Variants in ETNK1 observed in about 807,000 individuals in gnomAD.
ETNK1 encodes ethanolamine kinase 1.
Under a neutral mutation model 45.1 loss-of-function variants are expected in ETNK1, and 8 were observed. That is an observed-to-expected ratio of 0.18 (90% CI 0.10 to 0.32). The LOEUF is 0.32. Ranked by LOEUF, ETNK1 falls within the 10% of genes least tolerant of loss-of-function variation. The pLI is 1.00. For missense variants in ETNK1, 302 were observed against 430.6 expected (o/e 0.70, Z 2.64); for synonymous variants, 152 against 151.9 (o/e 1.00, Z -0.01).
At chr12:22,646,576 A>G (rs541399364) in intron 2 of ETNK1, among the ~76,000 whole-genome samples, 1 of 151,994 alleles carries the variant, frequency 6.6e-6, no homozygotes, top group South Asian at 2.1e-4. Context: ...ATGTTTGAAT[A>G]TAATAATAAA....
At chr12:22,671,098 A>G (rs1472801306) in intron 4 of ETNK1, 174 bp from the exon 5 acceptor site, 1 of 556,220 alleles carries the variant, frequency 1.8e-6, no homozygotes, top group East Asian at 3.3e-5. Context: ...TGAATTTTGT[A>G]AAGCTCATTG....
Position 22,686,528 on chromosome 12 carries a change from A to G in ETNK1, c.*1574A>G, listed in dbSNP as rs754515271. 1.3e-5 allele frequency: 2 copies of G among 152,412 alleles called. No individual in the cohort carries two copies. The highest frequency in any genetic ancestry group is 2.4e-5 in the African/African-American group (1 of 41,436). The allele number at this position is 152,412 out of a possible 1,614,324, so 9.4% of individuals were successfully genotyped here. On this transcript the variant is annotated 3_prime_UTR_variant, in exon 8 of 8. Coordinates refer to ENST00000266517, the MANE Select transcript of ETNK1 (RefSeq NM_018638.5). ...GGATTATCTCAAGATTTTTGAAGCT[A>G]ATAAAGTAAATAGAAACACAGGCCA...
At chr12:22,663,922 C>T (rs562984838) in intron 4 of ETNK1, among the ~76,000 whole-genome samples, 199 of 151,226 alleles carry the variant, frequency 1.3e-3, no homozygotes, top group South Asian at 3.1e-3. Flanking sequence ...CCATAGTATC[C>T]GTTTAAAAGA....
intron 2 of ETNK1, among the ~76,000 whole-genome samples, chr12:22,657,507 C>T (rs1490418826): frequency 6.6e-6 from 1 of 151,490 alleles, no homozygotes; most frequent in Non-Finnish European, 1.5e-5. Flanking sequence ...TATTCTTTTA[C>T]CTTTTTTTTT....
intron 6 of ETNK1, 101 bp downstream of exon 6, chr12:22,673,761 A>G (rs1326086374): frequency 3.4e-6 from 4 of 1,190,886 alleles, no homozygotes; most frequent in Non-Finnish European, 2.4e-6. Context: ...AAGTTTTGTG[A>G]ATTTTTGTTC....
chr12:22,680,521 G>A (rs1029849114), intron 6 of ETNK1, among the ~76,000 whole-genome samples: 1 of 152,142 alleles, frequency 6.6e-6, no homozygotes, highest in Non-Finnish European at 1.5e-5. Flanking sequence ...CATACTCCAT[G>A]ATGTTGCATG....
At position 22,643,971 on chromosome 12, in the gene ETNK1, T is replaced by A; in HGVS notation, c.365T>A (p.Ile122Lys). 6.2e-7 allele frequency: 1 copy of A among 1,612,736 alleles called. No homozygotes were observed. The highest frequency in any genetic ancestry group is 8.5e-7 in the Non-Finnish European group (1 of 1,178,956). Residue 122 changes from isoleucine (I) to lysine (K), a missense_variant, in exon 2 of 8, where the codon ATA (isoleucine) becomes AAA (lysine). Coordinates refer to ENST00000266517, the MANE Select transcript of ETNK1 (RefSeq NM_018638.5). Reference sequence around the variant, plus strand: ...AATAATGGACTATGCTATGAATTTATACAAGGAGAAGCACTGGATCCAAAG... The same window carrying A: ...AATAATGGACTATGCTATGAATTTAAACAAGGAGAAGCACTGGATCCAAAG... Reference protein sequence around the residue: ...TFNNGLCYEFIQGEALDPKHV... With the variant: ...TFNNGLCYEFKQGEALDPKHV...
intron 6 of ETNK1, among the ~76,000 whole-genome samples, chr12:22,674,399 G>GT (rs963668201): frequency 2.6e-5 from 4 of 152,182 alleles, no homozygotes; most frequent in African/African-American, 9.6e-5. Context: ...ATAGACCCTA[G>GT]TGGTATATGG....
At chr12:22,649,418 T>A (rs1452289790) in intron 2 of ETNK1, among the ~76,000 whole-genome samples, 1 of 152,104 alleles carries the variant, frequency 6.6e-6, no homozygotes, top group East Asian at 1.9e-4. Context: ...ATGTCTAGAT[T>A]CATGTTTTTG....
In ETNK1 at chr12:22,685,150, T is replaced by G; in HGVS notation, c.*196T>G. On this transcript the variant is annotated 3_prime_UTR_variant, in exon 8 of 8. Coordinates refer to ENST00000266517, the MANE Select transcript of ETNK1 (RefSeq NM_018638.5). ...CAAGAAATATACCTACTGCTATCCG[T>G]ATGTGGTGGATTAGAAATGTGTTAA... 2.2e-6 allele frequency: 1 copy of G among 455,456 alleles called. No individual in the cohort carries two copies. The highest frequency in any genetic ancestry group is 3.9e-6 in the Non-Finnish European group (1 of 256,422). The allele number at this position is 455,456 out of a possible 1,614,324, so 28.2% of individuals were successfully genotyped here.
chr12:22,625,375 T>C lies in ETNK1; in HGVS notation c.-56T>C. 6.4e-7 allele frequency: 1 copy of C among 1,569,004 alleles called. No individual in the cohort carries two copies. Among genetic ancestry groups the C allele is most frequent in the South Asian group, 1.1e-5 (1 of 86,968 alleles). ...TCCACCAGTCTGTCGGCGCCCGCCGTTCTCGTGGTCGCCGTCGCCGTCGTC... is the reference window on the plus strand; with the variant it reads ...TCCACCAGTCTGTCGGCGCCCGCCGCTCTCGTGGTCGCCGTCGCCGTCGTC... On this transcript the variant is annotated 5_prime_UTR_variant, in exon 1 of 8. Coordinates refer to ENST00000266517, the MANE Select transcript of ETNK1 (RefSeq NM_018638.5).
At chr12:22,675,635 G>A (rs527541418) in intron 6 of ETNK1, among the ~76,000 whole-genome samples, 1 of 152,230 alleles carries the variant, frequency 6.6e-6, no homozygotes, top group East Asian at 1.9e-4. Context: ...TGGGACTACA[G>A]GCATAAGCCC....
chr12:22,630,795 G>C (rs1306633501), intron 1 of ETNK1, among the ~76,000 whole-genome samples: 1 of 151,884 alleles, frequency 6.6e-6, no homozygotes, highest in Non-Finnish European at 1.5e-5. Context: ...ATTTTTAGTA[G>C]AGTCGGGGTT....
chr12:22,659,633 A>G (rs1565444309), intron 3 of ETNK1, among the ~76,000 whole-genome samples: 1 of 152,224 alleles, frequency 6.6e-6, no homozygotes, highest in Non-Finnish European at 1.5e-5. Flanking sequence ...TGGAAATTAC[A>G]GTAGTAGTAT....
intron 4 of ETNK1, among the ~76,000 whole-genome samples, chr12:22,665,841 G>A (rs1469546515): frequency 1.3e-5 from 2 of 151,898 alleles, no homozygotes; most frequent in Non-Finnish European, 2.9e-5. Flanking sequence ...ACTACTAGTA[G>A]GTAGTTATAG....
intron 3 of ETNK1, among the ~76,000 whole-genome samples, chr12:22,659,880 A>G (rs1386395097): frequency 6.6e-6 from 1 of 152,114 alleles, no homozygotes; most frequent in Non-Finnish European, 1.5e-5. Flanking sequence ...TAATAGGAAG[A>G]AAACCCTTGC....
At chr12:22,676,315 A>G (rs775354625) in intron 6 of ETNK1, among the ~76,000 whole-genome samples, 1 of 152,140 alleles carries the variant, frequency 6.6e-6, no homozygotes, top group Non-Finnish European at 1.5e-5. Flanking sequence ...AGCTTCATCC[A>G]TGTTCCTGCA....
intron 5 of ETNK1, among the ~76,000 whole-genome samples, chr12:22,672,897 A>C (rs1379483231): frequency 6.6e-6 from 1 of 152,162 alleles, no homozygotes; most frequent in Non-Finnish European, 1.5e-5. Flanking sequence ...TGGGGTAATG[A>C]CTTTTTTGTT....
At chr12:22,679,135 C>T (rs1403287589) in intron 6 of ETNK1, among the ~76,000 whole-genome samples, 10 of 152,250 alleles carry the variant, frequency 6.6e-5, no homozygotes, top group Middle Eastern at 3.4e-3. Context: ...CACAGTAGGC[C>T]GTCTGCACGC....
Sources: allele counts gnomAD v4.1 joint callset (sites outside exome capture counted in the v4.1 genomes callset), GRCh38; gene constraint gnomAD v4.1.1; transcripts MANE v1.5; gene names NCBI Gene and HGNC (gene_info 2026-07-23, HGNC 2026-07-21).